Variants in SH3RF3 observed in about 807,000 individuals in gnomAD.
The protein encoded by SH3RF3 is SH3 domain containing ring finger 3.
Under a neutral mutation model 66.3 loss-of-function variants are expected in SH3RF3, and 29 were observed. The ratio of observed to expected loss-of-function variants is 0.44; its 90% confidence interval spans 0.33 to 0.60. The LOEUF (loss-of-function observed/expected upper bound fraction) is 0.60. SH3RF3 is among the 20% of genes least tolerant of loss of function. The pLI, the probability that SH3RF3 is intolerant of heterozygous loss-of-function variation, is 0.04. For synonymous variants in SH3RF3, 583 were observed against 532.0 expected (o/e 1.10, Z -1.32); for missense variants, 1,194 against 1,190.9 (o/e 1.00, Z -0.04).
chr2:109,376,735 C>T lies in SH3RF3; in HGVS notation c.945+5054C>T, dbSNP rs182004169. On this transcript the variant is annotated intron_variant, in intron 3 of 9. Transcript: ENST00000309415. ...CTGCTCCCTGTGTTGCTGGTGTGTG[C>T]GTGAGTGGTCACCTAGGTAGACCCT... Among the ~76,000 whole-genome samples the T allele has an allele frequency of 7.9e-5, 12 of 152,336 alleles. No individual in the cohort carries two copies. In the South Asian group the frequency reaches 1.7e-3, roughly 21 times the overall value.
chr2:109,183,404 G>A (rs1414753336), intron 1 of SH3RF3, among the ~76,000 whole-genome samples: 1 of 152,178 alleles, frequency 6.6e-6, no homozygotes, highest in Admixed American at 6.5e-5. Context: ...GGTGATTTTG[G>A]AAACAAAGCT....
intron 1 of SH3RF3, among the ~76,000 whole-genome samples, chr2:109,172,399 G>A (rs1159097924): frequency 1.3e-5 from 2 of 152,190 alleles, no homozygotes; most frequent in Non-Finnish European, 2.9e-5. Flanking sequence ...TGCTCCTGGA[G>A]GTCTTCCTTT....
At chr2:109,402,587 G>T (rs958524429) in intron 4 of SH3RF3, among the ~76,000 whole-genome samples, 1 of 152,228 alleles carries the variant, frequency 6.6e-6, no homozygotes, top group African/African-American at 2.4e-5. Context: ...GGCCACTGCA[G>T]CAGCCAGTCC....
chr2:109,215,466 C>CAGAACAG (rs1679084117), intron 1 of SH3RF3, among the ~76,000 whole-genome samples: 1 of 152,118 alleles, frequency 6.6e-6, no homozygotes, highest in East Asian at 1.9e-4. Flanking sequence ...TTTACACCAT[C>CAGAACAG]AGAACAGGGG....
intron 1 of SH3RF3, among the ~76,000 whole-genome samples, chr2:109,269,940 A>T (rs773164532): frequency 5.9e-5 from 9 of 152,222 alleles, no homozygotes; most frequent in Non-Finnish European, 8.8e-5. Flanking sequence ...ACTACTAATA[A>T]GCTGGTTGTA....
intron 1 of SH3RF3, among the ~76,000 whole-genome samples, chr2:109,337,468 A>G (rs12105750): frequency 6.6e-6 from 1 of 152,154 alleles, no homozygotes; most frequent in African/African-American, 2.4e-5. Flanking sequence ...GTTTTCCTCA[A>G]ATGGTGATAA....
At chr2:109,398,279 G>A (rs1234575466) in intron 3 of SH3RF3, among the ~76,000 whole-genome samples, 2 of 152,176 alleles carry the variant, frequency 1.3e-5, no homozygotes, top group African/African-American at 2.4e-5. Flanking sequence ...CTGCAAGGCG[G>A]CACCGTGCAT....
At chr2:109,348,291 A>G (rs962593766) in intron 2 of SH3RF3, among the ~76,000 whole-genome samples, 2 of 152,224 alleles carry the variant, frequency 1.3e-5, no homozygotes, top group Non-Finnish European at 2.9e-5. Context: ...GTGCAGCAGA[A>G]TGACGCCTTT....
intron 1 of SH3RF3, among the ~76,000 whole-genome samples, chr2:109,275,814 G>A (rs370764267): frequency 1.6e-4 from 25 of 152,334 alleles, no homozygotes; most frequent in Admixed American, 8.5e-4. Flanking sequence ...GATCTGAAGC[G>A]TTCGCGGGGA....
intron 1 of SH3RF3, among the ~76,000 whole-genome samples, chr2:109,205,261 C>CTTT (rs34792138): frequency 2.2e-5 from 3 of 135,942 alleles, no homozygotes; most frequent in African/African-American, 7.9e-5. Flanking sequence ...ACTTATGTGA[C>CTTT]TTTTTTTTTT....
chr2:109,431,870 C>CA (rs34815374), intron 5 of SH3RF3, among the ~76,000 whole-genome samples: 6,641 of 142,908 alleles, frequency 0.046, 434 homozygotes, highest in African/African-American at 0.14. Context: ...GATGCTGTTT[C>CA]AAAAAAAAAA....
At chr2:109,181,684 G>C (rs1678078609) in intron 1 of SH3RF3, among the ~76,000 whole-genome samples, 1 of 152,174 alleles carries the variant, frequency 6.6e-6, no homozygotes, top group South Asian at 2.1e-4. Flanking sequence ...CCGGCCACAG[G>C]GGGTTCCTAT....
chr2:109,501,521 G>C lies in SH3RF3; in HGVS notation c.2499G>C (p.Ser833=), dbSNP rs143190008. The change falls in exon 10 of 10, where the codon TCG becomes TCC. Residue 833 remains serine (S), a synonymous_variant. Coordinates refer to ENST00000309415, the MANE Select transcript of SH3RF3 (RefSeq NM_001099289.3). ...TCCCCAGGTACCGCGTGGTGGTCTC[G>C]TACCCACCCCAGAGTGAGGCGGAGA... ...LPRERYRVVV[S]YPPQSEAEIE... The C allele has an allele frequency of 1.3e-6, 1 of 778,766 alleles. No individual in the cohort carries two copies. The highest frequency in any genetic ancestry group is 1.7e-5 in the Admixed American group (1 of 58,842). The allele number at this position is 778,766 out of a possible 1,614,324, so 48.2% of individuals were successfully genotyped here.
intron 6 of SH3RF3, 57 bp from the exon 7 acceptor site, chr2:109,436,836 C>G: frequency 6.4e-7 from 1 of 1,574,412 alleles, no homozygotes; most frequent in Admixed American, 1.8e-5. Flanking sequence ...CAGAGGCCCA[C>G]ATGGCACGAA....
chr2:109,357,571 A>G (rs993310330), intron 2 of SH3RF3, among the ~76,000 whole-genome samples: 4 of 152,296 alleles, frequency 2.6e-5, no homozygotes, highest in African/African-American at 7.2e-5. Flanking sequence ...CCGCATGTCT[A>G]CTAACACTAC....
intron 1 of SH3RF3, among the ~76,000 whole-genome samples, chr2:109,322,330 C>T (rs910896998): frequency 7.2e-5 from 11 of 152,126 alleles, no homozygotes; most frequent in African/African-American, 1.7e-4. Flanking sequence ...CAGCCAGGGC[C>T]GGCAGAGGCA....
chr2:109,472,176 T>C (rs1443411595), intron 8 of SH3RF3, among the ~76,000 whole-genome samples: 1 of 152,208 alleles, frequency 6.6e-6, no homozygotes, highest in East Asian at 1.9e-4. Flanking sequence ...CTTATAGAAA[T>C]GTAGGAGCAG....
chr2:109,133,991 A>G (rs562861032), intron 1 of SH3RF3, among the ~76,000 whole-genome samples: 1 of 152,110 alleles, frequency 6.6e-6, no homozygotes, highest in Non-Finnish European at 1.5e-5. Context: ...GGAGGCCAGG[A>G]TAGAGGGTGT....
intron 1 of SH3RF3, among the ~76,000 whole-genome samples, chr2:109,283,096 G>A (rs966670211): frequency 1.3e-5 from 2 of 152,230 alleles, no homozygotes; most frequent in African/African-American, 4.8e-5. Flanking sequence ...GGGCAGCAGC[G>A]GTGATGATGG....
Sources: allele counts gnomAD v4.1 joint callset (sites outside exome capture counted in the v4.1 genomes callset), GRCh38; gene constraint gnomAD v4.1.1; transcripts MANE v1.5; gene names NCBI Gene and HGNC (gene_info 2026-07-23, HGNC 2026-07-21).